Variants in LRBA observed in about 807,000 individuals in gnomAD.
LRBA encodes the protein LPS responsive beige-like anchor protein, also known as lipopolysaccharide-responsive and beige-like anchor protein.
Under a neutral mutation model 330.0 loss-of-function variants are expected in LRBA, and 176 were observed. The ratio of observed to expected loss-of-function variants is 0.53; its 90% CI spans 0.47 to 0.60. The LOEUF is 0.60. LRBA is among the 20% of genes least tolerant of loss of function. LRBA has a pLI of 0.00. For synonymous variants in LRBA, 1,230 were observed against 1,193.0 expected (o/e 1.03, Z -0.64); for missense variants, 3,259 against 3,444.8 (o/e 0.95, Z 1.35).
At chr4:150,597,578 G>T (rs1040497944) in intron 38 of LRBA, among the ~76,000 whole-genome samples, 2 of 151,758 alleles carry the variant, frequency 1.3e-5, no homozygotes, top group African/African-American at 4.8e-5. Flanking sequence ...TACTGTAAAT[G>T]ATGGTTTAGA....
At chr4:150,746,919 A>G (rs183166283) in intron 35 of LRBA, among the ~76,000 whole-genome samples, 2 of 152,202 alleles carry the variant, frequency 1.3e-5, no homozygotes, top group Non-Finnish European at 2.9e-5. Flanking sequence ...ACTTCTTTCC[A>G]TGAGTCTTAC....
chr4:150,429,679 C>T (rs1004038136), intron 46 of LRBA, among the ~76,000 whole-genome samples: 3 of 152,072 alleles, frequency 2.0e-5, no homozygotes, highest in African/African-American at 4.8e-5. Flanking sequence ...GACTCTCCTG[C>T]ATCCCTTAAG....
intron 40 of LRBA, among the ~76,000 whole-genome samples, chr4:150,503,958 T>C (rs894130640): frequency 5.9e-5 from 9 of 152,306 alleles, no homozygotes; most frequent in African/African-American, 1.9e-4. Flanking sequence ...CAAGCCTCAG[T>C]AGCCGATGCG....
chr4:150,443,885 TTTTTTTTTA>T (rs1209405207), intron 44 of LRBA, among the ~76,000 whole-genome samples: 1 of 127,592 alleles, frequency 7.8e-6, no homozygotes, highest in East Asian at 2.4e-4. Context: ...TTTTTTTTTT[TTTTTTTTTA>T]AAGCCACCTC....
intron 28 of LRBA, among the ~76,000 whole-genome samples, chr4:150,836,069 T>C (rs2126847491): frequency 1.3e-5 from 2 of 152,320 alleles, no homozygotes; most frequent in East Asian, 1.9e-4. Flanking sequence ...CACGTAGTTT[T>C]TGTCGTTGGT....
intron 36 of LRBA, among the ~76,000 whole-genome samples, chr4:150,689,471 A>G (rs1346207036): frequency 6.6e-6 from 1 of 152,054 alleles, no homozygotes; most frequent in Non-Finnish European, 1.5e-5. Flanking sequence ...ATAAATAAAT[A>G]AATATTTTTA....
chr4:150,552,486 G>C (rs1281784852), intron 40 of LRBA, among the ~76,000 whole-genome samples: 2 of 152,082 alleles, frequency 1.3e-5, no homozygotes, highest in Non-Finnish European at 2.9e-5. Flanking sequence ...TCATTAAAAA[G>C]TCAGGAAACA....
chr4:150,958,759 T>A (rs1737825016), intron 2 of LRBA, among the ~76,000 whole-genome samples: 1 of 148,978 alleles, frequency 6.7e-6, no homozygotes, highest in Non-Finnish European at 1.5e-5. Context: ...AAGGGTAAAC[T>A]GCCGCAAGTC....
intron 28 of LRBA, among the ~76,000 whole-genome samples, chr4:150,832,636 T>G (rs1174393955): frequency 6.6e-6 from 1 of 152,034 alleles, no homozygotes; most frequent in Admixed American, 6.6e-5. Context: ...TAAACAATGA[T>G]ATGAGGATAA....
At chr4:150,644,480 C>G (rs1778952804) in intron 37 of LRBA, among the ~76,000 whole-genome samples, 1 of 151,752 alleles carries the variant, frequency 6.6e-6, no homozygotes, top group South Asian at 2.1e-4. Flanking sequence ...AGAACTGTAT[C>G]CAGAGAAAAC....
intron 22 of LRBA, among the ~76,000 whole-genome samples, chr4:150,865,419 G>T (rs1752544321): frequency 1.3e-5 from 2 of 152,146 alleles, no homozygotes; most frequent in African/African-American, 4.8e-5. Context: ...AATGGTAGTG[G>T]ATACATTCTA....
rs539026737 is a variant in LRBA at position 150,376,590 on chromosome 4, C to T, written c.7195-26431G>A. On this transcript the variant is annotated intron_variant, in intron 47 of 56. Transcript: ENST00000651943. ...TGTGTAACCAGCTTTTCTCCAATAT[C>T]CTTTTTCTATCGGAGGACCCAACCC... Among the ~76,000 whole-genome samples, 7 of 152,246 alleles carry T rather than the reference C, an allele frequency of 4.6e-5. No homozygotes were observed. In the South Asian group the frequency reaches 1.4e-3, roughly 32 times the overall value.
chr4:150,677,837 A>AAGAG (rs1782695196), intron 37 of LRBA, among the ~76,000 whole-genome samples: 1 of 150,234 alleles, frequency 6.7e-6, no homozygotes, highest in African/African-American at 2.5e-5. Flanking sequence ...AGAAAAAAGA[A>AAGAG]AAGAGAAAAG....
chr4:150,807,535 A>C (rs1742979963), intron 32 of LRBA, among the ~76,000 whole-genome samples: 1 of 152,212 alleles, frequency 6.6e-6, no homozygotes, highest in African/African-American at 2.4e-5. Context: ...TAAACTCTGA[A>C]ACCCAATTAA....
rs781245215 is a variant in LRBA at position 150,849,428 on chromosome 4, C to T, written c.4152G>A (p.Ser1384=). ...GILPLLSAAT[S]ATHELENIEP... The stretch of plus-strand genomic sequence containing the variant: ...ATAGTAATTAAGTCCTTACTGTAGC[C>T]GATGTAGCAGCTGAAAGCAATGGCA... The change falls in exon 25 of 57, where the codon TCG becomes TCA. Residue 1384 remains serine, a synonymous_variant. Coordinates refer to ENST00000651943, the MANE Select transcript of LRBA (RefSeq NM_001364905.1). The T allele has an allele frequency of 4.3e-6, 7 of 1,613,518 alleles. No homozygotes were observed. Among genetic ancestry groups the T allele is most frequent in the East Asian group, 4.5e-5 (2 of 44,876 alleles).
chr4:150,331,654 T>C (rs1408565919), intron 48 of LRBA, among the ~76,000 whole-genome samples: 1 of 152,180 alleles, frequency 6.6e-6, no homozygotes, highest in African/African-American at 2.4e-5. Flanking sequence ...ATACTGAGAA[T>C]AAAAGTATCT....
At chr4:150,807,006 G>T (rs1272081442) in intron 32 of LRBA, among the ~76,000 whole-genome samples, 1 of 150,788 alleles carries the variant, frequency 6.6e-6, no homozygotes, top group Admixed American at 6.6e-5. Context: ...TGAGATAGTT[G>T]TAAATGTACC....
chr4:150,906,219 G>T, intron 12 of LRBA, 78 bp downstream of exon 12: 1 of 946,140 alleles, frequency 1.1e-6, no homozygotes, highest in Non-Finnish European at 1.7e-6. Context: ...CTTGCAGACA[G>T]AATTCCTTAG....
Position 150,849,516 on chromosome 4 carries a change from T to C in LRBA, c.4064A>G (p.His1355Arg). 1 of 1,613,340 alleles carries C rather than the reference T, an allele frequency of 6.2e-7. No individual in the cohort carries two copies. The highest frequency in any genetic ancestry group is 8.5e-7 in the Non-Finnish European group (1 of 1,179,264). ...TTGAGAGATGAGATGAATTGTGTTG[T>C]GTACAAAGATGACATTATCACTGCT... ...VNSSDNVIFV[H>R]NTIHLISQVM... The change falls in exon 25 of 57, where the codon CAC becomes CGC. Residue 1355 changes from histidine (H) to arginine (R), a missense_variant. His to Arg is a conservative substitution (Grantham distance 29, BLOSUM62 0). Transcript: ENST00000651943.
Sources: gnomAD v4.1 joint callset for allele counts (sites outside exome capture counted in the v4.1 genomes callset) on GRCh38, gnomAD v4.1.1 for gene constraint, MANE v1.5 for transcripts, NCBI Gene and HGNC (gene_info 2026-07-23, HGNC 2026-07-21) for gene names.